ZBTB20: variants seen among roughly 807,000 people sequenced by gnomAD.
ZBTB20 encodes zinc finger and BTB domain-containing protein 20.
Under a neutral mutation model 56.9 loss-of-function variants are expected in ZBTB20, and 9 were observed. The ratio of observed to expected loss-of-function variants is 0.16; its 90% confidence interval spans 0.10 to 0.28. The LOEUF is 0.28. Among genes scored for constraint, ZBTB20 ranks in the 10% least tolerant of loss-of-function variants. ZBTB20 has a pLI of 1.00. For synonymous variants in ZBTB20, 417 were observed against 420.7 expected (o/e 0.99, Z 0.11); for missense variants, 655 against 1,003.0 (o/e 0.65, Z 4.69).
intron 7 of ZBTB20, among the ~76,000 whole-genome samples, chr3:114,408,309 A>G (rs2087547270): frequency 6.6e-6 from 1 of 152,218 alleles, no homozygotes; most frequent in Non-Finnish European, 1.5e-5. Flanking sequence ...TGCAGACTAA[A>G]GCAGAAGTTC....
intron 4 of ZBTB20, among the ~76,000 whole-genome samples, chr3:114,860,348 G>A (rs1321398047): frequency 6.6e-6 from 1 of 151,948 alleles, no homozygotes; most frequent in Non-Finnish European, 1.5e-5. Context: ...ATTAGGATCT[G>A]AATATGTGTT....
intron 4 of ZBTB20, among the ~76,000 whole-genome samples, chr3:114,850,093 T>G (rs958322378): frequency 6.6e-6 from 1 of 151,696 alleles, no homozygotes; most frequent in African/African-American, 2.4e-5. Context: ...AGAGACGAGG[T>G]TTCACCATGT....
At chr3:115,018,960 G>C (rs1012399332) in intron 2 of ZBTB20, among the ~76,000 whole-genome samples, 1 of 151,282 alleles carries the variant, frequency 6.6e-6, no homozygotes, top group Admixed American at 6.6e-5. Flanking sequence ...TATGAAGGCA[G>C]TTCATCTACT....
At chr3:114,945,615 GAC>G (rs1280401911) in intron 3 of ZBTB20, among the ~76,000 whole-genome samples, 1 of 145,176 alleles carries the variant, frequency 6.9e-6, no homozygotes, top group Non-Finnish European at 1.5e-5. Flanking sequence ...AAAAAGTTAA[GAC>G]AGAAGAAATG....
intron 6 of ZBTB20, among the ~76,000 whole-genome samples, chr3:114,515,288 G>A (rs371528887): frequency 1.3e-5 from 2 of 151,996 alleles, no homozygotes; most frequent in East Asian, 1.9e-4. Context: ...TACCAGTCTG[G>A]ACGCCCATGG....
chr3:115,141,249 C>G (rs527542700), intron 1 of ZBTB20, among the ~76,000 whole-genome samples: 1 of 152,296 alleles, frequency 6.6e-6, no homozygotes, highest in East Asian at 1.9e-4. Context: ...ACTAAAGTTT[C>G]TCACCAATCT....
intron 6 of ZBTB20, among the ~76,000 whole-genome samples, chr3:114,540,372 T>C (rs796459349): frequency 5.9e-5 from 9 of 152,158 alleles, no homozygotes; most frequent in African/African-American, 2.2e-4. Context: ...AGCAGAAAGG[T>C]GGAAAAATCA....
In ZBTB20 at chr3:114,337,867, C is replaced by T. The variant is rs1037105879; in HGVS notation, c.*1138G>A. 72 of 149,846 alleles carry T rather than the reference C, an allele frequency of 4.8e-4. No homozygotes were observed. Among genetic ancestry groups the T allele is most frequent in the African/African-American group, 1.7e-3 (70 of 40,984 alleles). The allele number at this position is 149,846 out of a possible 1,614,324, so 9.3% of individuals were successfully genotyped here. A position where few individuals can be genotyped will look rare whatever the true frequency, so the allele number is the denominator to read the frequency against. ...GAGAAGGAATTGGTGGCAGTGTATGCAAAACCAAAATGAAAAAAATTACTT... is the reference window on the plus strand; with the variant it reads ...GAGAAGGAATTGGTGGCAGTGTATGTAAAACCAAAATGAAAAAAATTACTT... On this transcript the variant is annotated 3_prime_UTR_variant, in exon 12 of 12. Coordinates refer to ENST00000675478, the MANE Select transcript of ZBTB20 (RefSeq NM_001348800.3).
intron 2 of ZBTB20, among the ~76,000 whole-genome samples, chr3:115,033,660 A>G (rs1487794520): frequency 2.0e-5 from 3 of 151,674 alleles, no homozygotes; most frequent in Admixed American, 1.3e-4. Flanking sequence ...TGGCATATAT[A>G]CATAATGAAG....
intron 5 of ZBTB20, among the ~76,000 whole-genome samples, chr3:114,778,357 A>T (rs1186554547): frequency 6.6e-6 from 1 of 151,076 alleles, no homozygotes; most frequent in Non-Finnish European, 1.5e-5. Context: ...CTCAAAACAA[A>T]ACAGCAACAA....
intron 2 of ZBTB20, among the ~76,000 whole-genome samples, chr3:115,016,846 A>G (rs976274923): frequency 1.3e-5 from 2 of 151,694 alleles, no homozygotes; most frequent in Non-Finnish European, 2.9e-5. Flanking sequence ...TTCACGTTAA[A>G]AACTCTCAAT....
At chr3:115,010,043 T>C (rs1000573739) in intron 2 of ZBTB20, among the ~76,000 whole-genome samples, 1 of 152,006 alleles carries the variant, frequency 6.6e-6, no homozygotes, top group Admixed American at 6.6e-5. Context: ...GTTTTGTCTT[T>C]CCTTTCCTAC....
intron 6 of ZBTB20, among the ~76,000 whole-genome samples, chr3:114,569,681 T>C (rs2053202797): frequency 6.6e-6 from 1 of 152,240 alleles, no homozygotes; most frequent in South Asian, 2.1e-4. Flanking sequence ...CTGCATACAC[T>C]ACTTTTGAGT....
At chr3:114,900,512 T>TATATACACACACAC (rs549497546) in intron 3 of ZBTB20, 170 bp from the exon 4 acceptor site, 4 of 145,642 alleles carry the variant, frequency 2.7e-5, no homozygotes, top group African/African-American at 1.0e-4. Flanking sequence ...TGAAAATATA[T>TATATACACACACAC]ACACACACAC....
chr3:114,957,416 A>T (rs1431943938), intron 3 of ZBTB20, among the ~76,000 whole-genome samples: 1 of 152,230 alleles, frequency 6.6e-6, no homozygotes, highest in Non-Finnish European at 1.5e-5. Flanking sequence ...ATACTGTCTT[A>T]TGAAATTTTG....
At chr3:114,369,095 A>G (rs912565311) in intron 10 of ZBTB20, among the ~76,000 whole-genome samples, 3 of 152,212 alleles carry the variant, frequency 2.0e-5, no homozygotes, top group African/African-American at 7.2e-5. Flanking sequence ...TCTCCTTTAC[A>G]TCTAAATACC....
At chr3:115,044,104 A>G (rs2081251033) in intron 2 of ZBTB20, among the ~76,000 whole-genome samples, 1 of 152,178 alleles carries the variant, frequency 6.6e-6, no homozygotes, top group African/African-American at 2.4e-5. Flanking sequence ...TTCCAGCACC[A>G]TGCTTCCTGT....
chr3:114,403,861 G>A lies in ZBTB20; in HGVS notation c.-254-14756C>T, dbSNP rs556409440. 7.2e-5 allele frequency among the ~76,000 whole-genome samples: 11 copies of A among 152,204 alleles called. No homozygotes were observed. In the South Asian group the frequency reaches 1.9e-3, roughly 26 times the overall value. On this transcript the variant is annotated intron_variant, in intron 7 of 11. Transcript: ENST00000675478. ...TTATCATATGTGGGTCCCCAGCCAC[G>A]TTTGTAATCTGTTGTGTGACCTTGG...
At chr3:114,494,722 G>A (rs902735668) in intron 7 of ZBTB20, among the ~76,000 whole-genome samples, 5 of 152,176 alleles carry the variant, frequency 3.3e-5, no homozygotes, top group African/African-American at 1.2e-4. Flanking sequence ...TTTCCTGTAA[G>A]AGAGCTTTTG....
Sources: allele counts gnomAD v4.1 joint callset (sites outside exome capture counted in the v4.1 genomes callset), GRCh38; gene constraint gnomAD v4.1.1; transcripts MANE v1.5; gene names NCBI Gene and HGNC (gene_info 2026-07-23, HGNC 2026-07-21).